The following EDN1 variants were observed in gnomAD, a reference collection of about 807,000 sequenced individuals.
EDN1 encodes the protein endothelin-1.
Under a neutral mutation model 21.7 loss-of-function variants are expected in EDN1, and 11 were observed. The ratio of observed to expected loss-of-function variants is 0.51; its 90% CI spans 0.32 to 0.84. The LOEUF (loss-of-function observed/expected upper bound fraction) is 0.84. Ranked by LOEUF, EDN1 falls within the 40% of genes least tolerant of loss-of-function variation. The pLI is 0.03. For missense variants in EDN1, 244 were observed against 262.3 expected, an observed-to-expected ratio of 0.93 and a Z score of 0.48; for synonymous variants, 85 against 90.6, an observed-to-expected ratio of 0.94 and a Z score of 0.35.
At chr6:12,258,238 G>A in the EDN1 span, among the ~76,000 whole-genome samples, 1 of 151,414 alleles carries the variant, frequency 6.6e-6, no homozygotes, top group South Asian at 2.1e-4. Context: ...GATCATCTGA[G>A]GCCAGGAGTT....
chr6:12,244,596 G>A, the EDN1 span, among the ~76,000 whole-genome samples: 5 of 152,132 alleles, frequency 3.3e-5, no homozygotes, highest in Non-Finnish European at 4.4e-5. Flanking sequence ...GCAGTCAGTT[G>A]TCTTTTAGGG....
chr6:12,252,771 T>C, the EDN1 span, among the ~76,000 whole-genome samples: 1 of 152,222 alleles, frequency 6.6e-6, no homozygotes, highest in Non-Finnish European at 1.5e-5. Context: ...GTTCACTCCC[T>C]ACTCACTATA....
chr6:12,257,897 G>A, the EDN1 span, among the ~76,000 whole-genome samples: 1 of 152,138 alleles, frequency 6.6e-6, no homozygotes, highest in Non-Finnish European at 1.5e-5. Flanking sequence ...GTCTAGCAGG[G>A]CGTATTACCC....
chr6:12,281,850 G>T, the EDN1 span, among the ~76,000 whole-genome samples: 396 of 152,218 alleles, frequency 2.6e-3, 4 homozygotes, highest in African/African-American at 9.3e-3. Flanking sequence ...ACATCACTGA[G>T]AATTTATTAC....
chr6:12,290,015 A>G (rs1762632306), upstream of EDN1, among the ~76,000 whole-genome samples: 1 of 152,054 alleles, frequency 6.6e-6, no homozygotes, highest in African/African-American at 2.4e-5. Flanking sequence ...TTTCATACCA[A>G]TGGTATGACT....
chr6:12,288,573 G>A (rs1762604676), upstream of EDN1, among the ~76,000 whole-genome samples: 1 of 152,090 alleles, frequency 6.6e-6, no homozygotes, highest in African/African-American at 2.4e-5. Context: ...TGTGGGTGTG[G>A]GTGTGGGTGT....
the EDN1 span, among the ~76,000 whole-genome samples, chr6:12,247,276 C>T: frequency 1.5e-3 from 229 of 152,192 alleles, no homozygotes; most frequent in African/African-American, 5.3e-3. Context: ...GCTAAGTGAA[C>T]CTTGGTGTGT....
chr6:12,271,223 T>G, the EDN1 span, among the ~76,000 whole-genome samples: 3 of 152,176 alleles, frequency 2.0e-5, no homozygotes, highest in Non-Finnish European at 4.4e-5. Flanking sequence ...ATTTTATTAA[T>G]TGTTTTCCGG....
chr6:12,250,791 T>C, the EDN1 span, among the ~76,000 whole-genome samples: 1 of 152,186 alleles, frequency 6.6e-6, no homozygotes, highest in Non-Finnish European at 1.5e-5. Flanking sequence ...CTTTAGGAGA[T>C]GGGAGTTAAA....
the EDN1 span, among the ~76,000 whole-genome samples, chr6:12,234,615 G>C: frequency 1.3e-5 from 2 of 152,170 alleles, no homozygotes. Flanking sequence ...CTGCTCTGCT[G>C]ACCTCTAAGG....
the EDN1 span, among the ~76,000 whole-genome samples, chr6:12,242,610 G>A: frequency 6.6e-6 from 1 of 152,168 alleles, no homozygotes; most frequent in Non-Finnish European, 1.5e-5. Context: ...TTTTTGAGGG[G>A]AGATAGTGAG....
intron 1 of EDN1, 21 bp downstream of exon 1, chr6:12,290,714 G>GT: frequency 6.2e-7 from 1 of 1,604,390 alleles, no homozygotes; most frequent in Non-Finnish European, 8.5e-7. Context: ...TCGTTGACTT[G>GT]TAAGTCTCGG....
chr6:12,265,901 G>C, the EDN1 span, among the ~76,000 whole-genome samples: 1 of 152,188 alleles, frequency 6.6e-6, no homozygotes, highest in African/African-American at 2.4e-5. Context: ...CTACAGTTGC[G>C]ATGGTGCAAG....
chr6:12,270,939 C>T, the EDN1 span, among the ~76,000 whole-genome samples: 2 of 152,082 alleles, frequency 1.3e-5, no homozygotes, highest in East Asian at 1.9e-4. Flanking sequence ...ATTTGCTTTA[C>T]GCATTTGGGT....
chr6:12,276,419 A>G, the EDN1 span, among the ~76,000 whole-genome samples: 83 of 152,318 alleles, frequency 5.4e-4, no homozygotes, highest in African/African-American at 1.9e-3. Flanking sequence ...GTTACTGTGC[A>G]AAAGCTGGGA....
chr6:12,257,732 T>C, the EDN1 span, among the ~76,000 whole-genome samples: 1 of 152,208 alleles, frequency 6.6e-6, no homozygotes, highest in Non-Finnish European at 1.5e-5. Flanking sequence ...TCTTACTCTT[T>C]GATTGAAGAC....
the EDN1 span, among the ~76,000 whole-genome samples, chr6:12,265,054 T>C: frequency 6.6e-6 from 1 of 152,200 alleles, no homozygotes; most frequent in Non-Finnish European, 1.5e-5. Context: ...TGATGTTAAG[T>C]GCAAAAGGAT....
At chr6:12,255,842 T>TGA in the EDN1 span, among the ~76,000 whole-genome samples, 2 of 152,230 alleles carry the variant, frequency 1.3e-5, no homozygotes, top group Non-Finnish European at 2.9e-5. Context: ...AAACAAATAT[T>TGA]GAGAGAGAGT....
chr6:12,255,284 G>C, the EDN1 span, among the ~76,000 whole-genome samples: 1 of 152,012 alleles, frequency 6.6e-6, no homozygotes, highest in African/African-American at 2.4e-5. Context: ...GTTATTCCTG[G>C]AATTCAAGAA....
Sources: gnomAD v4.1 joint callset for allele counts (sites outside exome capture counted in the v4.1 genomes callset) on GRCh38, gnomAD v4.1.1 for gene constraint, MANE v1.5 for transcripts, NCBI Gene and HGNC (gene_info 2026-07-23, HGNC 2026-07-21) for gene names.